The following CSMD1 variants were observed in gnomAD, a reference collection of about 807,000 sequenced individuals.
CSMD1 encodes CUB and sushi domain-containing protein 1.
Under a neutral mutation model 417.5 loss-of-function variants are expected in CSMD1, and 213 were observed. That is an observed-to-expected ratio of 0.51 (90% CI 0.46 to 0.57). The LOEUF is 0.57. Among genes scored for constraint, CSMD1 ranks in the 20% least tolerant of loss-of-function variants. The probability of loss-of-function intolerance (pLI) is 0.00; values close to 1 mark genes in which losing one functional copy is unlikely to be tolerated. For synonymous variants in CSMD1, 2,862 were observed against 1,736.8 expected, an observed-to-expected ratio of 1.65 and a Z score of -16.11; for missense variants, 6,923 against 4,529.7, an observed-to-expected ratio of 1.53 and a Z score of -15.17.
chr8:4,667,598 G>A (rs985462634), intron 1 of CSMD1, among the ~76,000 whole-genome samples: 13 of 151,958 alleles, frequency 8.6e-5, no homozygotes, highest in African/African-American at 3.1e-4. Context: ...TTGTCCCTGA[G>A]TACTTTATGT....
rs528847469 is a variant in CSMD1 at position 3,498,291 on chromosome 8, T to A, written c.1345-4565A>T. Among the ~76,000 whole-genome samples, 73 of 152,190 alleles carry A rather than the reference T, an allele frequency of 4.8e-4. 1 individual carries two copies. The highest frequency in any genetic ancestry group is 8.2e-4 in the Non-Finnish European group (56 of 68,028). On this transcript the variant is annotated intron_variant, in intron 10 of 69. Coordinates refer to ENST00000635120, the MANE Select transcript of CSMD1 (RefSeq NM_033225.6). ...TATTGCTATATCAAGGTGTGGATAT[T>A]TTGGAGGTATATGTGGTACTTTGAT...
intron 2 of CSMD1, among the ~76,000 whole-genome samples, chr8:4,439,612 TAAGGTA>T (rs1798346512): frequency 6.6e-6 from 1 of 152,170 alleles, no homozygotes; most frequent in Non-Finnish European, 1.5e-5. Context: ...ATATTTGTTT[TAAGGTA>T]AAGTAAAACA....
chr8:3,109,089 A>G (rs1244700622), intron 43 of CSMD1, among the ~76,000 whole-genome samples: 1 of 152,062 alleles, frequency 6.6e-6, no homozygotes, highest in Admixed American at 6.6e-5. Flanking sequence ...ACATGGTGAA[A>G]CCCTGTCTCT....
At chr8:3,812,033 G>GA (rs113450667) in intron 5 of CSMD1, among the ~76,000 whole-genome samples, 38,127 of 150,106 alleles carry the variant, frequency 0.25, 5,370 homozygotes, top group Non-Finnish European at 0.32. Flanking sequence ...TGCTTAGTGA[G>GA]AAAAAAAAAA....
intron 3 of CSMD1, among the ~76,000 whole-genome samples, chr8:4,208,908 A>G (rs897666845): frequency 6.6e-6 from 1 of 152,174 alleles, no homozygotes; most frequent in African/African-American, 2.4e-5. Flanking sequence ...TTCTTTTTAT[A>G]TATGCCCTGT....
chr8:4,527,344 A>G (rs184382255), intron 2 of CSMD1, among the ~76,000 whole-genome samples: 4 of 152,290 alleles, frequency 2.6e-5, no homozygotes, highest in Admixed American at 2.6e-4. Context: ...TTACCCAAAA[A>G]ACAATAAAAT....
At chr8:4,903,461 C>A (rs888677752) in intron 1 of CSMD1, among the ~76,000 whole-genome samples, 1 of 151,980 alleles carries the variant, frequency 6.6e-6, no homozygotes, top group Non-Finnish European at 1.5e-5. Flanking sequence ...AAGGCATACA[C>A]CAATTGTACA....
At chr8:4,684,308 A>T (rs1806232305) in intron 1 of CSMD1, among the ~76,000 whole-genome samples, 2 of 152,196 alleles carry the variant, frequency 1.3e-5, no homozygotes, top group Non-Finnish European at 2.9e-5. Context: ...ACTTGGTAAA[A>T]ATCGGTTTTC....
intron 18 of CSMD1, among the ~76,000 whole-genome samples, chr8:3,384,690 T>C (rs987996108): frequency 4.1e-5 from 5 of 122,918 alleles, no homozygotes; most frequent in Non-Finnish European, 8.1e-5. Context: ...TAAATATATA[T>C]TTATATAAAT....
chr8:4,276,560 C>T (rs942737836), intron 3 of CSMD1, among the ~76,000 whole-genome samples: 6 of 152,056 alleles, frequency 3.9e-5, no homozygotes, highest in South Asian at 2.1e-4. Context: ...CCTGCACGTT[C>T]TGCACATGTA....
At chr8:4,574,066 G>T (rs897388391) in intron 2 of CSMD1, among the ~76,000 whole-genome samples, 1 of 152,086 alleles carries the variant, frequency 6.6e-6, no homozygotes, top group Non-Finnish European at 1.5e-5. Context: ...GACTCCATGG[G>T]GGTGGGACCC....
intron 2 of CSMD1, among the ~76,000 whole-genome samples, chr8:4,432,533 T>C (rs1337769605): frequency 1.3e-5 from 2 of 152,174 alleles, no homozygotes; most frequent in African/African-American, 4.8e-5. Flanking sequence ...GAAAACACTG[T>C]ATTCTCACAA....
At chr8:4,230,623 C>G (rs905271946) in intron 3 of CSMD1, among the ~76,000 whole-genome samples, 2 of 151,980 alleles carry the variant, frequency 1.3e-5, no homozygotes, top group African/African-American at 4.8e-5. Flanking sequence ...GTTTTTAAAC[C>G]CCCAAATTTG....
chr8:3,224,811 A>G (rs1798404389), intron 27 of CSMD1, among the ~76,000 whole-genome samples: 1 of 152,204 alleles, frequency 6.6e-6, no homozygotes, highest in Admixed American at 6.5e-5. Context: ...TATTTGTGAG[A>G]TAAGGTTTCT....
intron 6 of CSMD1, among the ~76,000 whole-genome samples, chr8:3,709,689 T>TGTTTTTTTTTTTG (rs1277902529): frequency 8.5e-6 from 1 of 117,672 alleles, no homozygotes; most frequent in African/African-American, 3.1e-5. Context: ...TGTTTTTTTT[T>TGTTTTTTTTTTTG]TTTTTTTTTT....
chr8:4,124,625 T>G (rs1307518293), intron 3 of CSMD1, among the ~76,000 whole-genome samples: 1 of 152,124 alleles, frequency 6.6e-6, no homozygotes, highest in African/African-American at 2.4e-5. Context: ...CAGCCAGACC[T>G]CACTGGCAAG....
chr8:4,594,109 T>C (rs1249930921), intron 2 of CSMD1, among the ~76,000 whole-genome samples: 2 of 151,998 alleles, frequency 1.3e-5, no homozygotes, highest in African/African-American at 4.8e-5. Flanking sequence ...ATGTGTCAAG[T>C]TTCCCCTTTT....
rs1005635751 is a variant in CSMD1, at chr8:3,475,668, C to T, written c.1449-6844G>A. On this transcript the variant is annotated intron_variant, in intron 11 of 69. Transcript: ENST00000635120. ...TGCACAGATTTCAGTGAAGATACTGCTGTCTCACATTGATATGTCTGGTTG... is the reference window on the plus strand; with the variant it reads ...TGCACAGATTTCAGTGAAGATACTGTTGTCTCACATTGATATGTCTGGTTG... Among the ~76,000 whole-genome samples, 3 of 152,342 alleles carry T rather than the reference C, an allele frequency of 2.0e-5. No individual in the cohort carries two copies. The East Asian group carries it at 5.8e-4, about 29-fold the overall frequency.
intron 5 of CSMD1, among the ~76,000 whole-genome samples, chr8:3,759,438 G>A (rs1490550245): frequency 6.6e-6 from 1 of 152,144 alleles, no homozygotes; most frequent in Non-Finnish European, 1.5e-5. Flanking sequence ...CTGTTGGAGT[G>A]AGGTTTCCTG....
Sources: allele counts gnomAD v4.1 joint callset (sites outside exome capture counted in the v4.1 genomes callset), GRCh38; gene constraint gnomAD v4.1.1; transcripts MANE v1.5; gene names NCBI Gene and HGNC (gene_info 2026-07-23, HGNC 2026-07-21).